SLC2A13: variants seen among roughly 807,000 people sequenced by gnomAD.
The protein encoded by SLC2A13 is solute carrier family 2 member 13.
Under a neutral mutation model 64.4 loss-of-function variants are expected in SLC2A13, and 32 were observed. That is an observed-to-expected ratio of 0.50 (90% CI 0.37 to 0.67). The LOEUF is 0.67. Among genes scored for constraint, SLC2A13 ranks in the 30% least tolerant of loss-of-function variants. The probability of loss-of-function intolerance (pLI) is 0.00; values close to 1 mark genes in which losing one functional copy is unlikely to be tolerated. For missense variants in SLC2A13, 743 were observed against 829.2 expected, an observed-to-expected ratio of 0.90 and a Z score of 1.28; for synonymous variants, 338 against 327.1, an observed-to-expected ratio of 1.03 and a Z score of -0.36.
intron 4 of SLC2A13, among the ~76,000 whole-genome samples, chr12:39,931,873 T>C (rs949659507): frequency 5.9e-5 from 9 of 152,114 alleles, no homozygotes; most frequent in Non-Finnish European, 1.2e-4. Context: ...TACTAATTAC[T>C]AAAATAGTAT....
At chr12:39,951,854 C>T (rs1026763873) in intron 3 of SLC2A13, among the ~76,000 whole-genome samples, 9 of 152,098 alleles carry the variant, frequency 5.9e-5, no homozygotes, top group African/African-American at 2.2e-4. Flanking sequence ...ACTAAAGTTA[C>T]AGAATTTGGG....
chr12:39,803,204 C>CAAAA (rs369226817), intron 7 of SLC2A13, among the ~76,000 whole-genome samples: 13 of 73,752 alleles, frequency 1.8e-4, no homozygotes, highest in South Asian at 4.1e-4. Flanking sequence ...GAAGCAAATG[C>CAAAA]AAAAAAAAAA....
intron 7 of SLC2A13, among the ~76,000 whole-genome samples, chr12:39,824,119 G>T (rs1364974166): frequency 1.3e-5 from 2 of 152,136 alleles, no homozygotes; most frequent in African/African-American, 4.8e-5. Flanking sequence ...ATAGAAATTA[G>T]AATTTATAAT....
At chr12:39,983,270 A>C (rs1475738336) in intron 3 of SLC2A13, among the ~76,000 whole-genome samples, 1 of 132,410 alleles carries the variant, frequency 7.6e-6, no homozygotes, top group Non-Finnish European at 1.6e-5. Context: ...AGGCGTGGGC[A>C]AGGACTTCAT....
At position 39,757,230 on chromosome 12, in the gene SLC2A13, T is replaced by TATCA. The variant is rs1939993055; in HGVS notation, c.*2792_*2795dup. 2 of 151,808 alleles carry TATCA rather than the reference T, an allele frequency of 1.3e-5. No homozygotes were observed. The highest frequency in any genetic ancestry group is 4.8e-5 in the African/African-American group (2 of 41,398). The allele number at this position is 151,808 out of a possible 1,614,324, so 9.4% of individuals were successfully genotyped here. On this transcript the variant is annotated 3_prime_UTR_variant, in exon 10 of 10. Coordinates refer to ENST00000280871, the MANE Select transcript of SLC2A13 (RefSeq NM_052885.4). ...ATTTTCCTAAGACATAATATACCTCTATCAAATCTGCAGCATGTTTCAAAG... is the reference window on the plus strand; with the variant it reads ...ATTTTCCTAAGACATAATATACCTCTATCAATCAAATCTGCAGCATGTTTCAAAG...
chr12:39,848,511 A>G (rs1422558754), intron 6 of SLC2A13, among the ~76,000 whole-genome samples: 1 of 152,192 alleles, frequency 6.6e-6, no homozygotes, highest in Non-Finnish European at 1.5e-5. Flanking sequence ...ATTATTAAAA[A>G]GTTAAAAAAT....
At chr12:40,091,780 C>T (rs1056322949) in intron 1 of SLC2A13, among the ~76,000 whole-genome samples, 5 of 152,102 alleles carry the variant, frequency 3.3e-5, no homozygotes, top group African/African-American at 7.2e-5. Flanking sequence ...GTTTTGTTCA[C>T]CAATCCAAAA....
intron 5 of SLC2A13, among the ~76,000 whole-genome samples, chr12:39,866,536 T>C (rs866877436): frequency 6.6e-6 from 1 of 152,182 alleles, no homozygotes; most frequent in Non-Finnish European, 1.5e-5. Flanking sequence ...TGGAGTGCAG[T>C]GGCGCGATCT....
Position 39,864,814 on chromosome 12 carries a change from T to A in SLC2A13, c.1267A>T (p.Thr423Ser). 1 of 1,613,912 alleles carries A rather than the reference T, an allele frequency of 6.2e-7. No individual in the cohort carries two copies. Among genetic ancestry groups the A allele is most frequent in the Non-Finnish European group, 8.5e-7 (1 of 1,179,944 alleles). Residue 423 changes from threonine (T) to serine (S), a missense_variant, in exon 6 of 10, where the codon ACT (threonine) becomes TCT (serine). Transcript: ENST00000280871. ...VLSAQVSPRI[T>S]FKPIAPSGQN... Reference sequence around the variant, plus strand: ...CCTGACGGAGCTATTGGCTTAAAAGTGATGCGTGGGGAAACTTGGGCTGAT... The same window carrying A: ...CCTGACGGAGCTATTGGCTTAAAAGAGATGCGTGGGGAAACTTGGGCTGAT...
chr12:39,874,119 AT>A (rs1944122293), intron 4 of SLC2A13, among the ~76,000 whole-genome samples: 1 of 152,198 alleles, frequency 6.6e-6, no homozygotes. Context: ...AGAGCAAATA[AT>A]TTATTTGCTG....
chr12:40,102,744 A>C (rs1939190690), intron 1 of SLC2A13, among the ~76,000 whole-genome samples: 1 of 152,238 alleles, frequency 6.6e-6, no homozygotes, highest in Admixed American at 6.5e-5. Flanking sequence ...GTACCAAACA[A>C]GCAAACTGAT....
intron 6 of SLC2A13, among the ~76,000 whole-genome samples, chr12:39,863,224 T>C (rs1483893863): frequency 6.6e-6 from 1 of 152,148 alleles, no homozygotes. Flanking sequence ...ATACCTTACA[T>C]CATAAGGATT....
chr12:39,966,195 T>C lies in SLC2A13; in HGVS notation c.926-14830A>G, dbSNP rs78267473. Among the ~76,000 whole-genome samples, 566 of 151,906 alleles carry C rather than the reference T, an allele frequency of 3.7e-3. 24 individuals are homozygous for C. The East Asian group carries it at 0.1, about 27-fold the overall frequency. On this transcript the variant is annotated intron_variant, in intron 3 of 9. Transcript: ENST00000280871. ...AGAGAGAGAGAGAAGTATGTATATGTATAAATACATAAATACAGCGTGAGA... is the reference window on the plus strand; with the variant it reads ...AGAGAGAGAGAGAAGTATGTATATGCATAAATACATAAATACAGCGTGAGA...
At chr12:40,029,276 A>T (rs1178009226) in intron 2 of SLC2A13, among the ~76,000 whole-genome samples, 1 of 152,196 alleles carries the variant, frequency 6.6e-6, no homozygotes, top group East Asian at 1.9e-4. Context: ...AATTATGATC[A>T]CCAGACTGAT....
rs1360556972 is a variant in SLC2A13, at chr12:39,991,412, A to AGT, written c.925+36887_925+36888dup. Among the ~76,000 whole-genome samples, 5 of 152,254 alleles carry AGT rather than the reference A, an allele frequency of 3.3e-5. No individual in the cohort carries two copies. In the East Asian group the frequency reaches 9.7e-4, roughly 29 times the overall value. ...CACTCCCCTGCTGCCATCATGCTCCAGTGTTCCTACTTAAGTAGACACAGG... is the reference window on the plus strand; with the variant it reads ...CACTCCCCTGCTGCCATCATGCTCCAGTGTGTTCCTACTTAAGTAGACACAGG... On this transcript the variant is annotated intron_variant, in intron 3 of 9. Coordinates refer to ENST00000280871, the MANE Select transcript of SLC2A13 (RefSeq NM_052885.4).
At chr12:39,847,061 T>C (rs369825701) in intron 6 of SLC2A13, among the ~76,000 whole-genome samples, 3 of 152,182 alleles carry the variant, frequency 2.0e-5, no homozygotes, top group Non-Finnish European at 2.9e-5. Flanking sequence ...TTTGCAAAGC[T>C]AGAGTTAAAT....
intron 1 of SLC2A13, among the ~76,000 whole-genome samples, chr12:40,060,415 A>C (rs1216608679): frequency 6.6e-6 from 1 of 152,310 alleles, no homozygotes; most frequent in South Asian, 2.1e-4. Context: ...TTCAACCTTA[A>C]GCTTGTGTGT....
At chr12:39,990,908 C>T (rs1264203488) in intron 3 of SLC2A13, among the ~76,000 whole-genome samples, 6 of 152,152 alleles carry the variant, frequency 3.9e-5, no homozygotes, top group Non-Finnish European at 8.8e-5. Flanking sequence ...ACCTAGGCTT[C>T]AAGGTTCAAG....
At chr12:39,858,702 G>A (rs981837270) in intron 6 of SLC2A13, among the ~76,000 whole-genome samples, 2 of 152,138 alleles carry the variant, frequency 1.3e-5, no homozygotes, top group African/African-American at 4.8e-5. Context: ...CGCCTCCCAG[G>A]TTCAAGCGAT....
Sources: allele counts gnomAD v4.1 joint callset (sites outside exome capture counted in the v4.1 genomes callset), GRCh38; gene constraint gnomAD v4.1.1; transcripts MANE v1.5; gene names NCBI Gene and HGNC (gene_info 2026-07-23, HGNC 2026-07-21).